RYR3: variants seen among roughly 807,000 people sequenced by gnomAD.
RYR3 encodes ryanodine receptor 3, also known as brain ryanodine receptor-calcium release channel.
In RYR3, 207 loss-of-function variants were observed where a neutral mutation model predicts 584.3. The ratio of observed to expected loss-of-function variants is 0.35; its 90% CI spans 0.32 to 0.40. The LOEUF (loss-of-function observed/expected upper bound fraction) is 0.40, where lower values mean the gene tolerates loss of function less well. Among genes scored for constraint, RYR3 ranks in the 10% least tolerant of loss-of-function variants. RYR3 has a pLI of 1.00. For missense variants in RYR3, 5,616 were observed against 6,089.2 expected, an observed-to-expected ratio of 0.92 and a Z score of 2.59; for synonymous variants, 2,416 against 2,248.5, an observed-to-expected ratio of 1.07 and a Z score of -2.11.
chr15:33,543,461 C>T (rs2055993039), intron 7 of RYR3, among the ~76,000 whole-genome samples, 161 bp from the exon 8 acceptor site: 1 of 152,114 alleles, frequency 6.6e-6, no homozygotes, highest in African/African-American at 2.4e-5. Flanking sequence ...CCTGTCTTTT[C>T]TGCCTGAGGC....
chr15:33,464,593 C>A (rs572141891), intron 1 of RYR3, among the ~76,000 whole-genome samples: 2 of 147,348 alleles, frequency 1.4e-5, no homozygotes, highest in African/African-American at 2.5e-5. Context: ...GTATATAATG[C>A]ATTTCCTATA....
chr15:33,352,922 T>C lies in RYR3; in HGVS notation c.51+41826T>C, dbSNP rs1040924531. Among the ~76,000 whole-genome samples, 5 of 152,188 alleles carry C rather than the reference T, an allele frequency of 3.3e-5. No homozygotes were observed. The East Asian group carries it at 9.6e-4, about 29-fold the overall frequency. ...ACGATGGGGACCTGTTTGCTCTTCT[T>C]TTAATATGTTATATTTACTATGCAC... On this transcript the variant is annotated intron_variant, in intron 1 of 103. Coordinates refer to ENST00000634891, the MANE Select transcript of RYR3 (RefSeq NM_001036.6).
chr15:33,484,968 A>G (rs1292623847), intron 2 of RYR3, among the ~76,000 whole-genome samples: 1 of 152,210 alleles, frequency 6.6e-6, no homozygotes, highest in Non-Finnish European at 1.5e-5. Flanking sequence ...AAATCACACT[A>G]TGAGAGTGAA....
intron 1 of RYR3, among the ~76,000 whole-genome samples, chr15:33,374,923 C>T (rs1032343609): frequency 5.9e-5 from 9 of 152,162 alleles, no homozygotes; most frequent in African/African-American, 2.2e-4. Flanking sequence ...TTTAAAAGTG[C>T]TGCTATTTAC....
chr15:33,508,569 G>C (rs1198542210), intron 3 of RYR3, among the ~76,000 whole-genome samples: 3 of 152,194 alleles, frequency 2.0e-5, no homozygotes, highest in African/African-American at 7.2e-5. Context: ...AGAATGGTGT[G>C]AACCTGGGAG....
chr15:33,426,038 T>C (rs891123711), intron 1 of RYR3, among the ~76,000 whole-genome samples: 1 of 152,122 alleles, frequency 6.6e-6, no homozygotes, highest in Non-Finnish European at 1.5e-5. Context: ...TATGTAAAGA[T>C]CAAAAATCTT....
At chr15:33,752,288 G>T (rs1296086435) in intron 57 of RYR3, among the ~76,000 whole-genome samples, 2 of 152,116 alleles carry the variant, frequency 1.3e-5, no homozygotes, top group Non-Finnish European at 2.9e-5. Flanking sequence ...TAGCTTGATG[G>T]GAATAGCATT....
chr15:33,557,499 C>T (rs894711031), intron 10 of RYR3, among the ~76,000 whole-genome samples: 5 of 152,142 alleles, frequency 3.3e-5, no homozygotes, highest in Admixed American at 1.3e-4. Context: ...ATTCTTCTGC[C>T]TCGGCTTCCT....
chr15:33,323,255 G>T (rs1969238825), intron 1 of RYR3, among the ~76,000 whole-genome samples: 1 of 152,022 alleles, frequency 6.6e-6, no homozygotes, highest in Admixed American at 6.5e-5. Flanking sequence ...GGGACTACAG[G>T]CACCCGCCAC....
At chr15:33,854,250 G>A (rs2079408921) in intron 96 of RYR3, 139 bp from the exon 97 acceptor site, 1 of 673,572 alleles carries the variant, frequency 1.5e-6, no homozygotes, top group African/African-American at 1.9e-5. Flanking sequence ...GTCTCATGGG[G>A]AGCACATACA....
Position 33,810,519 on chromosome 15 carries a change from G to A in RYR3, c.10067G>A (p.Arg3356Gln), listed in dbSNP as rs781646279. ...CAGGAGCGGAAGAAGACAAAGCGGC[G>A]GGGAGACTTGTATTCCATCCAGACC... ...QDQERKKTKR[R>Q]GDLYSIQTSL... Residue 3356 changes from arginine (R) to glutamine (Q), a missense_variant, in exon 71 of 104, where the codon CGG becomes CAG. Around this residue, in one of 9 missense-constraint regions of RYR3, gnomAD observed 954 missense variants for 1,132.2 expected, o/e 0.84. Coordinates refer to ENST00000634891, the MANE Select transcript of RYR3 (RefSeq NM_001036.6). 10 of 1,613,856 alleles carry A rather than the reference G, an allele frequency of 6.2e-6. No individual in the cohort carries two copies. The highest frequency in any genetic ancestry group is 5.5e-5 in the South Asian group (5 of 91,084).
intron 42 of RYR3, among the ~76,000 whole-genome samples, chr15:33,704,453 G>A (rs897041051): frequency 6.6e-6 from 1 of 152,156 alleles, no homozygotes; most frequent in Non-Finnish European, 1.5e-5. Context: ...GTGTTGTGAA[G>A]GGTACCAGCC....
chr15:33,428,521 G>T (rs1331831259), intron 1 of RYR3, among the ~76,000 whole-genome samples: 1 of 152,128 alleles, frequency 6.6e-6, no homozygotes, highest in African/African-American at 2.4e-5. Context: ...ACATTTCTGG[G>T]TTTTCCTATA....
chr15:33,649,345 A>T, intron 31 of RYR3, 110 bp downstream of exon 31: 1 of 1,053,884 alleles, frequency 9.5e-7, no homozygotes, highest in East Asian at 2.4e-5. Context: ...GCCTCTCTTA[A>T]AAGGAGAAAA....
In RYR3 at chr15:33,704,988, G is replaced by A. The variant is rs138699346; in HGVS notation, c.6484-1931G>A. Among the ~76,000 whole-genome samples the A allele has an allele frequency of 1.9e-3, 282 of 152,254 alleles. 1 individual carries two copies. The highest frequency in any genetic ancestry group is 4.8e-3 in the African/African-American group (201 of 41,524). On this transcript the variant is annotated intron_variant, in intron 42 of 103. Coordinates refer to ENST00000634891, the MANE Select transcript of RYR3 (RefSeq NM_001036.6). ...AGAACAGCAAAGGACTGGTATGCTG[G>A]AGTTTCTTCCTTCTATTGATCACGC...
intron 53 of RYR3, among the ~76,000 whole-genome samples, chr15:33,747,199 A>C (rs986224800): frequency 5.3e-5 from 8 of 152,130 alleles, no homozygotes; most frequent in Non-Finnish European, 1.0e-4. Flanking sequence ...CTCTTGCTTA[A>C]AAAAATTAAT....
At chr15:33,417,170 T>C (rs2043876589) in intron 1 of RYR3, among the ~76,000 whole-genome samples, 1 of 152,142 alleles carries the variant, frequency 6.6e-6, no homozygotes, top group Non-Finnish European at 1.5e-5. Context: ...CGTGGCTATT[T>C]GGGGCTTTTT....
At position 33,450,087 on chromosome 15, in the gene RYR3, TAAAAA is replaced by T. The variant is rs10647466; in HGVS notation, c.52-23312_52-23308del. On this transcript the variant is annotated intron_variant, in intron 1 of 103. Coordinates refer to ENST00000634891, the MANE Select transcript of RYR3 (RefSeq NM_001036.6). The stretch of plus-strand genomic sequence containing the variant: ...TTACTGCGGCTAGAGCATTAATACC[TAAAAA>T]AAAAAAAAAAAAAAAAAAAGCCGGC... Among the ~76,000 whole-genome samples the T allele has an allele frequency of 2.5e-4, 17 of 67,322 alleles. No homozygotes were observed. In the East Asian group the frequency reaches 2.6e-3, roughly 10 times the overall value. The allele number at this position is 67,322 out of a possible 152,430, so 44.2% of individuals were successfully genotyped here. A position where few individuals can be genotyped will look rare whatever the true frequency, so the allele number is the denominator to read the frequency against.
At chr15:33,826,794 G>A (rs77077666) in intron 84 of RYR3, 42 bp downstream of exon 84, 1 of 576,710 alleles carries the variant, frequency 1.7e-6, no homozygotes, top group South Asian at 2.2e-5. Flanking sequence ...CACAGCACTC[G>A]GGCAAAACTA....
Sources: allele counts gnomAD v4.1 joint callset (sites outside exome capture counted in the v4.1 genomes callset), GRCh38; gene constraint gnomAD v4.1.1; regional missense constraint gnomAD v4.1.1; transcripts MANE v1.5; gene names NCBI Gene and HGNC (gene_info 2026-07-23, HGNC 2026-07-21).